The following TBC1D19 variants were observed in gnomAD, a reference collection of about 807,000 sequenced individuals.
TBC1D19 encodes the protein TBC1 domain family member 19.
In TBC1D19, 60 loss-of-function variants were observed where a neutral mutation model predicts 89.0. That is an observed-to-expected ratio of 0.67 (90% CI 0.55 to 0.84). The LOEUF (loss-of-function observed/expected upper bound fraction) is 0.84, where lower values mean the gene tolerates loss of function less well. Ranked by LOEUF, TBC1D19 falls within the 40% of genes least tolerant of loss-of-function variation. The pLI is 0.00. For synonymous variants in TBC1D19, 189 were observed against 199.7 expected (o/e 0.95, Z 0.45); for missense variants, 500 against 610.8 (o/e 0.82, Z 1.91).
intron 3 of TBC1D19, among the ~76,000 whole-genome samples, chr4:26,618,877 T>C (rs1741857976): frequency 1.3e-5 from 2 of 152,076 alleles, no homozygotes; most frequent in African/African-American, 4.8e-5. Flanking sequence ...TAGGGAGACT[T>C]GGGGGACAAG....
chr4:26,595,944 T>A (rs967551434), intron 1 of TBC1D19, among the ~76,000 whole-genome samples: 17 of 152,284 alleles, frequency 1.1e-4, no homozygotes, highest in Middle Eastern at 3.4e-3. Context: ...AATACAGATT[T>A]ATTTATTTTT....
At chr4:26,854,939 T>G in the TBC1D19 span, among the ~76,000 whole-genome samples, 1 of 152,196 alleles carries the variant, frequency 6.6e-6, no homozygotes, top group Non-Finnish European at 1.5e-5. Context: ...CGGGCGAGTT[T>G]GCATCTCCTG....
chr4:26,620,908 G>T (rs1742008662), intron 4 of TBC1D19, among the ~76,000 whole-genome samples: 1 of 152,160 alleles, frequency 6.6e-6, no homozygotes, highest in Non-Finnish European at 1.5e-5. Flanking sequence ...AAATGGGGTA[G>T]AAGGGGAAAA....
At chr4:26,648,828 ATATTCT>A (rs758920491) in intron 7 of TBC1D19, among the ~76,000 whole-genome samples, 11 of 152,170 alleles carry the variant, frequency 7.2e-5, no homozygotes, top group Non-Finnish European at 1.2e-4. Context: ...TGTAATTTTT[ATATTCT>A]TATTCTTATT....
chr4:26,752,744 A>G (rs920836626), intron 19 of TBC1D19, among the ~76,000 whole-genome samples: 1 of 152,092 alleles, frequency 6.6e-6, no homozygotes, highest in Non-Finnish European at 1.5e-5. Flanking sequence ...ATGGAGTTTT[A>G]TGGTAGGTTA....
chr4:26,664,210 A>C (rs1161044263), intron 8 of TBC1D19, among the ~76,000 whole-genome samples: 2 of 152,182 alleles, frequency 1.3e-5, no homozygotes, highest in South Asian at 2.1e-4. Context: ...ATATATGTGC[A>C]TAAAAAGTTG....
the TBC1D19 span, among the ~76,000 whole-genome samples, chr4:26,817,981 A>AATATAT: frequency 1.4e-4 from 18 of 126,048 alleles, no homozygotes; most frequent in African/African-American, 6.3e-4. Context: ...AAAAAAAAAA[A>AATATAT]ATATATATAT....
intron 13 of TBC1D19, among the ~76,000 whole-genome samples, chr4:26,690,047 C>T (rs553593129): frequency 2.6e-5 from 4 of 152,178 alleles, no homozygotes; most frequent in East Asian, 3.9e-4. Context: ...CTAGTGAACA[C>T]GTGAGTGATA....
intron 4 of TBC1D19, among the ~76,000 whole-genome samples, chr4:26,633,011 C>G (rs892794595): frequency 6.6e-6 from 1 of 152,110 alleles, no homozygotes; most frequent in Non-Finnish European, 1.5e-5. Flanking sequence ...CACTCCCAAC[C>G]TTTTTTGGTC....
rs1743392323 is a variant in TBC1D19, at chr4:26,640,003, A to G, written c.434-138A>G. 3 of 576,910 alleles carry G rather than the reference A, an allele frequency of 5.2e-6. No homozygotes were observed. The Admixed American group carries it at 1.0e-4, about 20-fold the overall frequency. The allele number at this position is 576,910 out of a possible 1,614,324, so 35.7% of individuals were successfully genotyped here. A position where few individuals can be genotyped will look rare whatever the true frequency, so the allele number is the denominator to read the frequency against. ...TTTCATTTTAATGTTCTCTGTACTT[A>G]ATGCAGTGTATGCATTCTCAAGAAA... On this transcript the variant is annotated intron_variant, in intron 6 of 20. Coordinates refer to ENST00000264866, the MANE Select transcript of TBC1D19 (RefSeq NM_018317.4).
chr4:26,699,173 A>G (rs1423434129), intron 13 of TBC1D19, among the ~76,000 whole-genome samples: 5 of 152,194 alleles, frequency 3.3e-5, no homozygotes, highest in Admixed American at 2.6e-4. Context: ...ACAAGAAAAA[A>G]CAAACAACCC....
At chr4:26,648,307 G>A (rs1374779798) in intron 7 of TBC1D19, among the ~76,000 whole-genome samples, 1 of 152,126 alleles carries the variant, frequency 6.6e-6, no homozygotes, top group Non-Finnish European at 1.5e-5. Flanking sequence ...TATATCAGAT[G>A]CAAACCACCA....
chr4:26,810,922 T>C, the TBC1D19 span, among the ~76,000 whole-genome samples: 2 of 152,284 alleles, frequency 1.3e-5, no homozygotes, highest in South Asian at 4.1e-4. Flanking sequence ...GTAAATTAAT[T>C]CCACCACTGT....
intron 4 of TBC1D19, among the ~76,000 whole-genome samples, chr4:26,634,567 A>C (rs1475151361): frequency 3.3e-5 from 5 of 152,134 alleles, no homozygotes; most frequent in African/African-American, 1.2e-4. Context: ...AATTTTATGC[A>C]GTTGTGATTT....
chr4:26,760,632 A>C (rs1421348666), downstream of TBC1D19, among the ~76,000 whole-genome samples: 1 of 152,114 alleles, frequency 6.6e-6, no homozygotes, highest in African/African-American at 2.4e-5. Context: ...TGGTTTGCAA[A>C]ATTTTCTCCC....
rs565307261 is a variant in TBC1D19, at chr4:26,593,526, A to G, written c.99+9234A>G. The stretch of plus-strand genomic sequence containing the variant: ...AACTAAAGAGCTTCTGCACAGCAAA[A>G]GAAACTACCGTCAGAGTGAACAGGC... On this transcript the variant is annotated intron_variant, in intron 1 of 20. Coordinates refer to ENST00000264866, the MANE Select transcript of TBC1D19 (RefSeq NM_018317.4). 6.1e-3 allele frequency among the ~76,000 whole-genome samples: 929 copies of G among 152,356 alleles called. 2 individuals carry two copies. The highest frequency in any genetic ancestry group is 0.01 in the Middle Eastern group (3 of 294).
At chr4:26,731,002 C>A (rs1020231225) in intron 15 of TBC1D19, among the ~76,000 whole-genome samples, 2 of 152,122 alleles carry the variant, frequency 1.3e-5, no homozygotes, top group African/African-American at 4.8e-5. Context: ...GGTCACAGAG[C>A]CCTCAGCTCA....
the TBC1D19 span, among the ~76,000 whole-genome samples, chr4:26,807,192 G>A: frequency 6.6e-6 from 1 of 152,096 alleles, no homozygotes; most frequent in Non-Finnish European, 1.5e-5. Flanking sequence ...GACGCAGCAG[G>A]GATCCAGAGT....
chr4:26,646,219 C>T (rs891379695), intron 7 of TBC1D19, among the ~76,000 whole-genome samples: 6 of 151,814 alleles, frequency 4.0e-5, no homozygotes, highest in Non-Finnish European at 7.4e-5. Context: ...AAAAAATGCT[C>T]ACCATCACTG....
Sources: gnomAD v4.1 joint callset for allele counts (sites outside exome capture counted in the v4.1 genomes callset) on GRCh38, gnomAD v4.1.1 for gene constraint, MANE v1.5 for transcripts, NCBI Gene and HGNC (gene_info 2026-07-23, HGNC 2026-07-21) for gene names.